OPCML: variants seen among roughly 807,000 people sequenced by gnomAD.
OPCML encodes opioid binding protein/cell adhesion molecule like, also known as opioid-binding protein/cell adhesion molecule.
In OPCML, 13 loss-of-function variants were observed where a neutral mutation model predicts 37.8. The observed-to-expected ratio is 0.34, with a 90% CI of 0.22 to 0.55. The LOEUF is 0.55. Among genes scored for constraint, OPCML ranks in the 20% least tolerant of loss-of-function variants. The pLI, the probability that OPCML is intolerant of heterozygous loss-of-function variation, is 0.91. For synonymous variants in OPCML, 176 were observed against 168.8 expected, an observed-to-expected ratio of 1.04 and a Z score of -0.33; for missense variants, 341 against 435.6, an observed-to-expected ratio of 0.78 and a Z score of 1.93.
At chr11:133,175,990 ATGAG>A (rs1448050788) in intron 1 of OPCML, among the ~76,000 whole-genome samples, 1 of 152,226 alleles carries the variant, frequency 6.6e-6, no homozygotes, top group Non-Finnish European at 1.5e-5. Context: ...CTGGGTATGC[ATGAG>A]TGATACCCAT....
At chr11:132,832,057 G>T (rs986967215) in intron 2 of OPCML, among the ~76,000 whole-genome samples, 2 of 151,846 alleles carry the variant, frequency 1.3e-5, no homozygotes, top group South Asian at 4.2e-4. Context: ...TGACAACTCT[G>T]GTTCAAAGAA....
intron 1 of OPCML, among the ~76,000 whole-genome samples, chr11:133,155,518 T>C (rs1371219328): frequency 5.9e-5 from 9 of 152,100 alleles, no homozygotes; most frequent in Admixed American, 5.9e-4. Flanking sequence ...CTTCCTTTCA[T>C]CTTTCCTGGG....
At chr11:133,194,005 TGGATTCAGCAACA>T (rs780622609) in intron 1 of OPCML, among the ~76,000 whole-genome samples, 8 of 152,220 alleles carry the variant, frequency 5.3e-5, no homozygotes, top group Non-Finnish European at 1.0e-4. Flanking sequence ...TTTAAGTTAC[TGGATTCAGCAACA>T]GGCTCTGTCC....
At chr11:132,716,317 G>A (rs1010545989) in intron 2 of OPCML, among the ~76,000 whole-genome samples, 6 of 152,186 alleles carry the variant, frequency 3.9e-5, no homozygotes, top group South Asian at 2.1e-4. Context: ...GGGCTGCAGC[G>A]AAGATAGTCC....
At chr11:133,412,530 A>G in intron 1 of OPCML, among the ~76,000 whole-genome samples, 1 of 152,220 alleles carries the variant, frequency 6.6e-6, no homozygotes, top group Non-Finnish European at 1.5e-5. Flanking sequence ...GCTATTCATC[A>G]GAGAGTAGAA....
intron 1 of OPCML, among the ~76,000 whole-genome samples, chr11:133,192,870 C>CT (rs199872888): frequency 0.039 from 5,427 of 138,128 alleles, 292 homozygotes; most frequent in African/African-American, 0.13. Context: ...CTTTTCTTTT[C>CT]TTTTTTTTTT....
At chr11:132,865,190 G>T (rs188635885) in intron 2 of OPCML, among the ~76,000 whole-genome samples, 1 of 152,256 alleles carries the variant, frequency 6.6e-6, no homozygotes, top group Non-Finnish European at 1.5e-5. Flanking sequence ...ACATACGCGC[G>T]CACGCAAACA....
chr11:132,570,887 T>C (rs1591566637), intron 3 of OPCML, among the ~76,000 whole-genome samples: 1 of 149,418 alleles, frequency 6.7e-6, no homozygotes, highest in East Asian at 2.0e-4. Flanking sequence ...ATGGTTAATA[T>C]TAGGTGTCAA....
At chr11:132,929,297 A>G (rs1945110634) in intron 2 of OPCML, among the ~76,000 whole-genome samples, 1 of 152,126 alleles carries the variant, frequency 6.6e-6, no homozygotes. Context: ...AATGGATTAT[A>G]AAAGAGTACT....
intron 3 of OPCML, among the ~76,000 whole-genome samples, chr11:132,625,171 T>C (rs547349287): frequency 3.3e-5 from 5 of 152,292 alleles, no homozygotes; most frequent in African/African-American, 1.2e-4. Context: ...AAGTGCCTCC[T>C]GTCTGTTCAT....
At chr11:132,541,302 C>A (rs1017332216) in intron 3 of OPCML, among the ~76,000 whole-genome samples, 8 of 152,238 alleles carry the variant, frequency 5.3e-5, no homozygotes, top group Middle Eastern at 3.4e-3. Flanking sequence ...TTACAACAAC[C>A]TGAGCTCCCT....
intron 1 of OPCML, among the ~76,000 whole-genome samples, chr11:133,157,021 T>C (rs1218287081): frequency 6.6e-6 from 1 of 151,954 alleles, no homozygotes; most frequent in Admixed American, 6.6e-5. Context: ...AATGCATCCT[T>C]ACAGCCACGG....
intron 3 of OPCML, among the ~76,000 whole-genome samples, chr11:132,581,647 G>T (rs1427879944): frequency 5.3e-5 from 8 of 152,158 alleles, no homozygotes; most frequent in African/African-American, 1.9e-4. Context: ...TCTTAAACCT[G>T]AAAATGGACT....
intron 2 of OPCML, among the ~76,000 whole-genome samples, chr11:132,852,845 T>C (rs1202421492): frequency 2.0e-5 from 3 of 152,040 alleles, no homozygotes; most frequent in African/African-American, 7.2e-5. Flanking sequence ...CTGCCGCCTG[T>C]GTTTTTCTAT....
chr11:133,465,241 G>T (rs983459793), intron 1 of OPCML, among the ~76,000 whole-genome samples: 1 of 152,092 alleles, frequency 6.6e-6, no homozygotes, highest in Non-Finnish European at 1.5e-5. Context: ...TGCAAACTCT[G>T]CTTCTGTTCA....
intron 4 of OPCML, among the ~76,000 whole-genome samples, chr11:132,505,717 G>A (rs1449375757): frequency 2.0e-5 from 3 of 152,122 alleles, no homozygotes. Flanking sequence ...TCAAACCTGA[G>A]CAGCTCTCCC....
intron 1 of OPCML, chr11:133,067,621 T>A (rs1948460734): frequency 6.6e-6 from 1 of 152,236 alleles, no homozygotes; most frequent in African/African-American, 2.4e-5. Flanking sequence ...TGGGAGAAGA[T>A]GTCTTCACTC....
intron 1 of OPCML, among the ~76,000 whole-genome samples, chr11:133,132,385 G>A (rs531638387): frequency 4.2e-4 from 64 of 152,282 alleles, no homozygotes; most frequent in African/African-American, 1.5e-3. Context: ...TATACCTGGT[G>A]CTGGTGAGGA....
intron 1 of OPCML, among the ~76,000 whole-genome samples, chr11:133,370,516 AAATT>A (rs1944650567): frequency 6.6e-6 from 1 of 151,926 alleles, no homozygotes; most frequent in Non-Finnish European, 1.5e-5. Context: ...ACCTAGGAAT[AAATT>A]TAACCAAGAA....
Sources: gnomAD v4.1 joint callset for allele counts (sites outside exome capture counted in the v4.1 genomes callset) on GRCh38, gnomAD v4.1.1 for gene constraint, MANE v1.5 for transcripts, NCBI Gene and HGNC (gene_info 2026-07-23, HGNC 2026-07-21) for gene names.